The following DOCK4 variants were observed in gnomAD, a reference collection of about 807,000 sequenced individuals.
DOCK4 encodes dedicator of cytokinesis 4.
DOCK4 carries 97 observed loss-of-function variants against 268.1 expected under a neutral mutation model. The observed-to-expected ratio is 0.36, with a 90% confidence interval of 0.31 to 0.43. DOCK4 has a LOEUF of 0.43. DOCK4 is among the 20% of genes least tolerant of loss of function. The pLI is 1.00. For missense variants in DOCK4, 2,145 were observed against 2,455.7 expected (o/e 0.87, Z 2.67); for synonymous variants, 954 against 887.2 (o/e 1.08, Z -1.34).
chr7:112,101,845 C>CTTTTTTTTTTTT (rs72188849), intron 1 of DOCK4, among the ~76,000 whole-genome samples: 2 of 146,314 alleles, frequency 1.4e-5, no homozygotes, highest in Non-Finnish European at 3.0e-5. Flanking sequence ...TTTTCTTTTT[C>CTTTTTTTTTTTT]TTTTTTTTTT....
intron 1 of DOCK4, among the ~76,000 whole-genome samples, chr7:112,059,087 A>G (rs542358506): frequency 1.3e-5 from 2 of 152,022 alleles, no homozygotes; most frequent in East Asian, 1.9e-4. Context: ...AATGCTTTTA[A>G]GCACATGTAA....
intron 1 of DOCK4, among the ~76,000 whole-genome samples, chr7:112,110,315 G>A (rs1811536549): frequency 1.3e-5 from 2 of 152,298 alleles, no homozygotes; most frequent in East Asian, 1.9e-4. Flanking sequence ...ATGGGTTTGT[G>A]CAGTGGCATG....
intron 21 of DOCK4, 94 bp downstream of exon 21, chr7:111,869,480 A>G: frequency 9.6e-7 from 1 of 1,042,960 alleles, no homozygotes; most frequent in East Asian, 2.5e-5. Context: ...ATACATCATC[A>G]CCCATTACTG....
intron 27 of DOCK4, among the ~76,000 whole-genome samples, chr7:111,818,883 C>A (rs965916132): frequency 6.6e-6 from 1 of 152,210 alleles, no homozygotes; most frequent in African/African-American, 2.4e-5. Flanking sequence ...AGCTTCACTC[C>A]TTCATGAAAG....
intron 1 of DOCK4, among the ~76,000 whole-genome samples, chr7:112,061,257 C>T (rs1342053676): frequency 6.6e-6 from 1 of 152,098 alleles, no homozygotes; most frequent in African/African-American, 2.4e-5. Context: ...TGACTATTGC[C>T]CCCCACTGCA....
At chr7:111,806,753 G>T (rs1800705467) in intron 30 of DOCK4, among the ~76,000 whole-genome samples, 1 of 152,192 alleles carries the variant, frequency 6.6e-6, no homozygotes, top group Non-Finnish European at 1.5e-5. Flanking sequence ...TAGGTCTAAG[G>T]TGGAGTGAGA....
intron 23 of DOCK4, among the ~76,000 whole-genome samples, chr7:111,860,932 C>T (rs371634093): frequency 1.1e-4 from 16 of 152,298 alleles, no homozygotes; most frequent in African/African-American, 3.8e-4. Flanking sequence ...TAATATTTTC[C>T]TTACATTTGA....
chr7:111,847,101 G>A lies in DOCK4; in HGVS notation c.2499C>T (p.Val833=), dbSNP rs528168151. Residue 833 remains valine, a synonymous_variant, in exon 24 of 53, where the codon GTC becomes GTT. Coordinates refer to ENST00000428084, the MANE Select transcript of DOCK4 (RefSeq NM_001363540.2). ...NPDSRYILLP[V]VLHHLHIHLQ... The stretch of plus-strand genomic sequence containing the variant: ...AGTGAATGTGGAGGTGATGTAACAC[G>A]ACAGGCAGAAGAATGTATCGGGAAT... The A allele has an allele frequency of 2.7e-5, 44 of 1,613,762 alleles. No homozygotes were observed. In the South Asian group the frequency reaches 3.8e-4, roughly 14 times the overall value.
At chr7:111,766,285 G>A (rs1797754161) in intron 38 of DOCK4, among the ~76,000 whole-genome samples, 1 of 152,166 alleles carries the variant, frequency 6.6e-6, no homozygotes, top group African/African-American at 2.4e-5. Context: ...GCTGTTACAG[G>A]TTTATGGTAT....
chr7:112,149,488 A>T (rs991300594), intron 1 of DOCK4, among the ~76,000 whole-genome samples: 3 of 152,104 alleles, frequency 2.0e-5, no homozygotes. Flanking sequence ...TGTAGGAAAG[A>T]AAGAAATGAC....
chr7:112,087,347 C>T lies in DOCK4; in HGVS notation c.38-83216G>A, dbSNP rs778767182. On this transcript the variant is annotated intron_variant, in intron 1 of 52. Transcript: ENST00000428084. ...TGGAATCAATATAACATAAGGATTC[C>T]CTGGCCAAACTTGAAAATTATCTTT... is the stretch of plus-strand genomic sequence containing the variant. 8.6e-5 allele frequency among the ~76,000 whole-genome samples: 13 copies of T among 151,968 alleles called. 1 individual carries two copies. Among genetic ancestry groups the T allele is most frequent in the Non-Finnish European group, 1.5e-4 (10 of 67,972 alleles).
intron 1 of DOCK4, among the ~76,000 whole-genome samples, chr7:112,015,836 G>A (rs958715837): frequency 1.3e-5 from 2 of 152,168 alleles, no homozygotes; most frequent in South Asian, 4.1e-4. Flanking sequence ...ATTGTGCTAA[G>A]AGCCTTTCTG....
intron 40 of DOCK4, 129 bp downstream of exon 40, chr7:111,760,052 G>T: frequency 8.7e-7 from 1 of 1,147,000 alleles, no homozygotes. Context: ...TTAAGATGAT[G>T]GGAAAGAGGG....
Position 111,984,386 on chromosome 7 carries a change from G to C in DOCK4, c.469C>G (p.Leu157Val), listed in dbSNP as rs771330995. ...TTCCTAGGCACCAGGTCCAGTCCCAGTTGTCTAGAAAACAAATTGCAAAAG... is the reference window on the plus strand; with the variant it reads ...TTCCTAGGCACCAGGTCCAGTCCCACTTGTCTAGAAAACAAATTGCAAAAG... ...TARLDWGNEQ[L>V]GLDLVPRKEY... The change falls in exon 7 of 53, where the codon CTG (leucine) becomes GTG (valine). Residue 157 changes from leucine to valine, a missense_variant. Physicochemically the swap from Leu to Val is conservative, Grantham distance 32. Around this residue, in one of 2 missense-constraint regions of DOCK4, gnomAD observed 1,598 missense variants for 1,986.7 expected, o/e 0.80. Coordinates refer to ENST00000428084, the MANE Select transcript of DOCK4 (RefSeq NM_001363540.2). 1 of 1,611,960 alleles carries C rather than the reference G, an allele frequency of 6.2e-7. No individual in the cohort carries two copies. The highest frequency in any genetic ancestry group is 8.5e-7 in the Non-Finnish European group (1 of 1,179,132).
chr7:111,968,880 A>T (rs1334484265), intron 8 of DOCK4, among the ~76,000 whole-genome samples: 1 of 70,394 alleles, frequency 1.4e-5, no homozygotes, highest in Non-Finnish European at 2.5e-5. Flanking sequence ...CTATGCAGCC[A>T]TAAAAAATGA....
intron 8 of DOCK4, among the ~76,000 whole-genome samples, chr7:111,953,208 T>TAA (rs11419651): frequency 4.3e-4 from 63 of 145,846 alleles, no homozygotes; most frequent in African/African-American, 1.1e-3. Context: ...GACCTTGTCT[T>TAA]AAAAAAAAAA....
At chr7:111,897,062 C>T (rs150068037) in intron 15 of DOCK4, among the ~76,000 whole-genome samples, 12 of 152,098 alleles carry the variant, frequency 7.9e-5, no homozygotes, top group Admixed American at 2.0e-4. Context: ...AGTCTTCCTA[C>T]GCATGACCAT....
chr7:111,975,768 A>C (rs1418979226), intron 8 of DOCK4, among the ~76,000 whole-genome samples: 2 of 152,166 alleles, frequency 1.3e-5, no homozygotes, highest in Non-Finnish European at 2.9e-5. Context: ...TTCAACAAAG[A>C]TTTTATGCCT....
chr7:111,896,955 A>T (rs1008832247), intron 15 of DOCK4, among the ~76,000 whole-genome samples: 1 of 152,194 alleles, frequency 6.6e-6, no homozygotes, highest in Non-Finnish European at 1.5e-5. Context: ...CAAAAATCAC[A>T]CCAAAGATCT....
Sources: allele counts gnomAD v4.1 joint callset (sites outside exome capture counted in the v4.1 genomes callset), GRCh38; gene constraint gnomAD v4.1.1; regional missense constraint gnomAD v4.1.1; transcripts MANE v1.5; gene names NCBI Gene and HGNC (gene_info 2026-07-23, HGNC 2026-07-21).